Variants in NELL1 observed in about 807,000 individuals in gnomAD.
NELL1 encodes protein kinase C-binding protein NELL1.
In NELL1, 76 loss-of-function variants were observed where a neutral mutation model predicts 107.4. The ratio of observed to expected loss-of-function variants is 0.71; its 90% confidence interval spans 0.59 to 0.86. NELL1 has a LOEUF of 0.86. NELL1 is among the 40% of genes least tolerant of loss of function. The pLI is 0.00. For missense variants in NELL1, 1,024 were observed against 1,005.5 expected (o/e 1.02, Z -0.25); for synonymous variants, 353 against 341.2 (o/e 1.03, Z -0.38).
intron 15 of NELL1, among the ~76,000 whole-genome samples, chr11:21,381,863 G>A (rs1851616366): frequency 1.3e-5 from 2 of 149,124 alleles, no homozygotes; most frequent in African/African-American, 5.0e-5. Flanking sequence ...TCAGCACCTG[G>A]AATAGTGGCA....
intron 15 of NELL1, among the ~76,000 whole-genome samples, chr11:21,375,275 G>A (rs755879076): frequency 5.9e-5 from 9 of 151,780 alleles, no homozygotes; most frequent in African/African-American, 1.5e-4. Flanking sequence ...CTAATGCTTC[G>A]CTCCCACTTA....
At chr11:20,864,119 TGTGGGGAGAGGGAGAGGGAGAG>T (rs1255670042) in intron 4 of NELL1, among the ~76,000 whole-genome samples, 4 of 102,038 alleles carry the variant, frequency 3.9e-5, no homozygotes, top group African/African-American at 1.5e-4. Flanking sequence ...AGAGGGAGAC[TGTGGGGAGAGGGAGAGGGAGAG>T]AATTTTTTTA....
intron 14 of NELL1, among the ~76,000 whole-genome samples, chr11:21,263,840 A>C (rs1848582844): frequency 6.6e-6 from 1 of 151,984 alleles, no homozygotes; most frequent in South Asian, 2.1e-4. Flanking sequence ...TCTGCTTCTA[A>C]GTTTTCAAAA....
At chr11:21,458,662 A>G (rs1193002938) in intron 15 of NELL1, among the ~76,000 whole-genome samples, 1 of 152,172 alleles carries the variant, frequency 6.6e-6, no homozygotes, top group Non-Finnish European at 1.5e-5. Flanking sequence ...ACTAAAAAAT[A>G]AAGATTTAAA....
At chr11:21,300,379 G>A (rs937465826) in intron 14 of NELL1, among the ~76,000 whole-genome samples, 2 of 151,994 alleles carry the variant, frequency 1.3e-5, no homozygotes, top group Admixed American at 1.3e-4. Flanking sequence ...GACAAGTGAG[G>A]TAGGACCTGG....
At chr11:21,506,273 G>A (rs573049971) in intron 15 of NELL1, among the ~76,000 whole-genome samples, 53 of 152,156 alleles carry the variant, frequency 3.5e-4, no homozygotes, top group African/African-American at 9.6e-4. Flanking sequence ...ATACAGACCC[G>A]CAGAGTCACA....
chr11:21,458,079 G>A (rs1264525488), intron 15 of NELL1, among the ~76,000 whole-genome samples: 2 of 152,156 alleles, frequency 1.3e-5, no homozygotes, highest in East Asian at 3.9e-4. Flanking sequence ...GTGAAGAGAA[G>A]AAGGATAAGA....
rs115518580 is a variant in NELL1, at chr11:21,367,252, T to G, written c.1550-3601T>G. On this transcript the variant is annotated intron_variant, in intron 14 of 19. Transcript: ENST00000357134. ...TGGCACTATAATGACAGATTCAGGT[T>G]TATCTTACTACACACACACACACAC... Among the ~76,000 whole-genome samples, 838 of 126,984 alleles carry G rather than the reference T, an allele frequency of 6.6e-3. 11 individuals carry two copies. Among genetic ancestry groups the G allele is most frequent in the African/African-American group, 0.024 (790 of 33,336 alleles). 83.3% of individuals were successfully genotyped at this position (126,984 alleles called of 152,430 possible). A position where few individuals can be genotyped will look rare whatever the true frequency, so the allele number is the denominator to read the frequency against.
At chr11:21,419,236 ATTAGTGAGAGAAG>A (rs1366325309) in intron 15 of NELL1, among the ~76,000 whole-genome samples, 2 of 152,092 alleles carry the variant, frequency 1.3e-5, no homozygotes, top group African/African-American at 4.8e-5. Flanking sequence ...AAAGGTAAAA[ATTAGTGAGAGAAG>A]TGGGGAGCTA....
chr11:21,157,149 G>GTA (rs148360732), intron 13 of NELL1, among the ~76,000 whole-genome samples: 75,320 of 147,156 alleles, frequency 0.51, 19,463 homozygotes, highest in East Asian at 0.61. Flanking sequence ...GAATGTGTAT[G>GTA]TATATATATA....
chr11:20,818,325 A>G (rs1423169434), intron 3 of NELL1, among the ~76,000 whole-genome samples: 2 of 150,166 alleles, frequency 1.3e-5, no homozygotes, highest in South Asian at 2.1e-4. Flanking sequence ...ACTTTTCAGC[A>G]TACGTAACGT....
At chr11:21,498,861 T>C (rs1855059670) in intron 15 of NELL1, among the ~76,000 whole-genome samples, 2 of 152,022 alleles carry the variant, frequency 1.3e-5, no homozygotes, top group African/African-American at 4.8e-5. Flanking sequence ...CTGGCCTCTT[T>C]TGTGTTTATT....
chr11:21,119,156 G>A (rs908481114), intron 13 of NELL1, among the ~76,000 whole-genome samples: 1 of 151,978 alleles, frequency 6.6e-6, no homozygotes, highest in African/African-American at 2.4e-5. Context: ...TGAAATCTTA[G>A]TAGTTTAGTT....
chr11:20,995,129 T>G (rs904997223), intron 12 of NELL1, among the ~76,000 whole-genome samples: 6 of 152,130 alleles, frequency 3.9e-5, no homozygotes, highest in Non-Finnish European at 8.8e-5. Flanking sequence ...TTTTCTGGTT[T>G]TTTTTTTACT....
At chr11:21,488,567 G>A (rs541765184) in intron 15 of NELL1, among the ~76,000 whole-genome samples, 36 of 152,168 alleles carry the variant, frequency 2.4e-4, no homozygotes, top group Middle Eastern at 6.8e-3. Flanking sequence ...GCCAGTCTTC[G>A]GGTCCCTGTG....
At chr11:21,298,179 A>G (rs898912858) in intron 14 of NELL1, among the ~76,000 whole-genome samples, 2 of 151,962 alleles carry the variant, frequency 1.3e-5, no homozygotes, top group Non-Finnish European at 2.9e-5. Flanking sequence ...TACATTGGTT[A>G]ATTAACCTGA....
At chr11:20,677,826 T>A in intron 1 of NELL1, 106 bp from the exon 2 acceptor site, 2 of 1,305,396 alleles carry the variant, frequency 1.5e-6, no homozygotes, top group South Asian at 2.5e-5. Context: ...CTCCAAGCAC[T>A]CATCATTGGC....
chr11:20,816,414 A>G (rs1857624669), intron 3 of NELL1, among the ~76,000 whole-genome samples: 1 of 152,098 alleles, frequency 6.6e-6, no homozygotes, highest in Non-Finnish European at 1.5e-5. Flanking sequence ...GCTATTGTAA[A>G]TGAGATTTAG....
intron 4 of NELL1, among the ~76,000 whole-genome samples, chr11:20,856,223 T>A (rs1187815086): frequency 1.3e-5 from 2 of 152,228 alleles, no homozygotes; most frequent in African/African-American, 4.8e-5. Context: ...TTATCCTTTT[T>A]AGTTTGTTGT....
Sources: gnomAD v4.1 joint callset for allele counts (sites outside exome capture counted in the v4.1 genomes callset) on GRCh38, gnomAD v4.1.1 for gene constraint, MANE v1.5 for transcripts, NCBI Gene and HGNC (gene_info 2026-07-23, HGNC 2026-07-21) for gene names.